The following ABTB3 variants were observed in gnomAD, a reference collection of about 807,000 sequenced individuals.
The protein encoded by ABTB3 is ankyrin repeat and BTB domain containing 3.
chr12:107,393,537 G>A, the ABTB3 span, among the ~76,000 whole-genome samples: 2 of 152,144 alleles, frequency 1.3e-5, no homozygotes, highest in Admixed American at 1.3e-4. Context: ...CCTCCATGGG[G>A]GTGATGTCAC....
chr12:107,342,854 T>G, the ABTB3 span, among the ~76,000 whole-genome samples: 1 of 152,156 alleles, frequency 6.6e-6, no homozygotes, highest in African/African-American at 2.4e-5. Flanking sequence ...TTTCCTCCTT[T>G]GAACCCCCGT....
the ABTB3 span, chr12:107,520,573 T>A: frequency 6.2e-7 from 1 of 1,614,164 alleles, no homozygotes; most frequent in South Asian, 1.1e-5. Context: ...GTTCAGCCAG[T>A]CGGAGCTGAG....
chr12:107,399,394 C>A, the ABTB3 span, among the ~76,000 whole-genome samples: 22 of 152,298 alleles, frequency 1.4e-4, no homozygotes, highest in African/African-American at 4.6e-4. Flanking sequence ...CCCCACCCCC[C>A]AAACCCATTC....
chr12:107,322,640 A>G, the ABTB3 span, among the ~76,000 whole-genome samples: 1 of 152,174 alleles, frequency 6.6e-6, no homozygotes, highest in Non-Finnish European at 1.5e-5. Flanking sequence ...GGTCTGAGCA[A>G]GTGCTGGGTA....
At chr12:107,401,463 C>A in the ABTB3 span, among the ~76,000 whole-genome samples, 1 of 152,126 alleles carries the variant, frequency 6.6e-6, no homozygotes, top group Admixed American at 6.5e-5. Context: ...GGGGGATATT[C>A]AATACCAGGA....
chr12:107,538,330 A>G, the ABTB3 span, among the ~76,000 whole-genome samples: 1 of 152,210 alleles, frequency 6.6e-6, no homozygotes, highest in East Asian at 1.9e-4. Context: ...CATTTGTGAG[A>G]TGCATATGCT....
the ABTB3 span, among the ~76,000 whole-genome samples, chr12:107,400,556 C>T: frequency 6.6e-6 from 1 of 152,046 alleles, no homozygotes; most frequent in Non-Finnish European, 1.5e-5. Flanking sequence ...CTTTTCTAGC[C>T]CGAGTCTCCT....
chr12:107,654,771 C>T, the ABTB3 span, among the ~76,000 whole-genome samples: 1 of 148,524 alleles, frequency 6.7e-6, no homozygotes, highest in South Asian at 2.1e-4. Flanking sequence ...AGATTTTCTG[C>T]TTGGCTATCA....
the ABTB3 span, among the ~76,000 whole-genome samples, chr12:107,611,274 A>AG: frequency 6.6e-6 from 1 of 152,028 alleles, no homozygotes; most frequent in African/African-American, 2.4e-5. Context: ...TTGAACTCTT[A>AG]GGCTCAAGAG....
the ABTB3 span, among the ~76,000 whole-genome samples, chr12:107,546,228 A>G: frequency 6.6e-6 from 1 of 152,198 alleles, no homozygotes; most frequent in East Asian, 1.9e-4. Flanking sequence ...AGGTCCACAA[A>G]TATTTGTAGA....
At chr12:107,477,091 C>T in the ABTB3 span, among the ~76,000 whole-genome samples, 37,543 of 151,922 alleles carry the variant, frequency 0.25, 5,102 homozygotes, top group African/African-American at 0.37. Context: ...AATGTCTGTG[C>T]CCTGTGTCTG....
chr12:107,517,749 C>A, the ABTB3 span, among the ~76,000 whole-genome samples: 1 of 151,998 alleles, frequency 6.6e-6, no homozygotes, highest in Non-Finnish European at 1.5e-5. Context: ...GCAACAAAAG[C>A]CAAAATTGAC....
chr12:107,319,810 G>A, the ABTB3 span: 14 of 1,337,792 alleles, frequency 1.0e-5, no homozygotes, highest in Non-Finnish European at 1.2e-5. Flanking sequence ...AGCGGGAGGC[G>A]CCCGGGGGAG....
At chr12:107,604,519 C>T in the ABTB3 span, among the ~76,000 whole-genome samples, 2 of 152,122 alleles carry the variant, frequency 1.3e-5, no homozygotes, top group Admixed American at 1.3e-4. Flanking sequence ...TGAAAAAATG[C>T]TCAATATCGC....
the ABTB3 span, among the ~76,000 whole-genome samples, chr12:107,528,903 GATA>G: frequency 1.7e-3 from 259 of 152,032 alleles, no homozygotes; most frequent in Non-Finnish European, 3.2e-3. Context: ...TGGTGATGGT[GATA>G]ATGATGATTA....
the ABTB3 span, among the ~76,000 whole-genome samples, chr12:107,487,545 A>C: frequency 4.1e-4 from 63 of 152,222 alleles, no homozygotes; most frequent in African/African-American, 1.4e-3. Context: ...ACTGGTGTTT[A>C]ATGTGACTTG....
At chr12:107,328,399 A>G in the ABTB3 span, among the ~76,000 whole-genome samples, 2 of 152,300 alleles carry the variant, frequency 1.3e-5, no homozygotes, top group East Asian at 3.9e-4. Flanking sequence ...CTTTATCTTT[A>G]TTATTATCGA....
the ABTB3 span, among the ~76,000 whole-genome samples, chr12:107,378,117 C>T: frequency 4.6e-5 from 7 of 152,330 alleles, no homozygotes; most frequent in African/African-American, 7.2e-5. Context: ...CCAATGCCAA[C>T]GGCTGGAATA....
the ABTB3 span, among the ~76,000 whole-genome samples, chr12:107,647,310 AC>A: frequency 6.6e-5 from 10 of 152,168 alleles, no homozygotes; most frequent in Admixed American, 6.5e-4. Context: ...AGCCTGGGTG[AC>A]AGAGTGAGGC....
Sources: allele counts gnomAD v4.1 joint callset (sites outside exome capture counted in the v4.1 genomes callset), GRCh38; gene constraint gnomAD v4.1.1; transcripts MANE v1.5; gene names NCBI Gene and HGNC (gene_info 2026-07-23, HGNC 2026-07-21).